Variants in VEGFC observed in about 807,000 individuals in gnomAD.
The protein encoded by VEGFC is vascular endothelial growth factor C, also known as FLT4 ligand DHM.
VEGFC carries 12 observed loss-of-function variants against 46.1 expected under a neutral mutation model. That is an observed-to-expected ratio of 0.26 (90% CI 0.17 to 0.42). The LOEUF (loss-of-function observed/expected upper bound fraction) is 0.42. Ranked by LOEUF, VEGFC falls within the 10% of genes least tolerant of loss-of-function variation. The pLI is 1.00. For missense variants in VEGFC, 488 were observed against 529.4 expected (o/e 0.92, Z 0.77); for synonymous variants, 232 against 195.5 (o/e 1.19, Z -1.56).
chr4:176,716,815 T>C (rs1431101233), intron 3 of VEGFC, among the ~76,000 whole-genome samples: 1 of 152,080 alleles, frequency 6.6e-6, no homozygotes, highest in Admixed American at 6.6e-5. Context: ...TTTAGATCTA[T>C]CCAAACATAT....
chr4:176,709,847 A>T lies in VEGFC; in HGVS notation c.704+1652T>A, dbSNP rs141166288. ...CAACAGGAGAAAGACTTGATGCTTG[A>T]AAACTAGTATTAATATCACTGCATT... is the stretch of plus-strand genomic sequence containing the variant. On this transcript the variant is annotated intron_variant, in intron 4 of 6. Transcript: ENST00000618562. Among the ~76,000 whole-genome samples, 49 of 152,334 alleles carry T rather than the reference A, an allele frequency of 3.2e-4. 1 individual carries two copies. In the East Asian group the frequency reaches 7.1e-3, roughly 22 times the overall value.
chr4:176,792,338 G>A lies in VEGFC; in HGVS notation c.-27C>T. ...GTGGAAGGACCGGGGGTGGGGGACC[G>A]GTCCGCTGGCGGGGGCAGGGGTGGG... On this transcript the variant is annotated 5_prime_UTR_variant, in exon 1 of 7. Coordinates refer to ENST00000618562, the MANE Select transcript of VEGFC (RefSeq NM_005429.5). The surrounding 1 kb of genome is among the most constrained non-coding windows in gnomAD (Gnocchi z 6.3). 1 of 1,457,576 alleles carries A rather than the reference G, an allele frequency of 6.9e-7. No homozygotes were observed. The highest frequency in any genetic ancestry group is 9.0e-7 in the Non-Finnish European group (1 of 1,108,160). 90.3% of individuals were successfully genotyped at this position (1,457,576 alleles called of 1,614,324 possible). A position where few individuals can be genotyped will look rare whatever the true frequency, so the allele number is the denominator to read the frequency against.
At chr4:176,684,614 T>C (rs1214523099) in intron 6 of VEGFC, among the ~76,000 whole-genome samples, 1 of 152,162 alleles carries the variant, frequency 6.6e-6, no homozygotes, top group Non-Finnish European at 1.5e-5. Flanking sequence ...AGAAGGACAA[T>C]ACTCAGCAGC....
intron 4 of VEGFC, among the ~76,000 whole-genome samples, chr4:176,690,439 T>C (rs1734135916): frequency 6.6e-6 from 1 of 152,124 alleles, no homozygotes; most frequent in Admixed American, 6.6e-5. Flanking sequence ...TTACACATTA[T>C]TGTAAACCTT....
At chr4:176,710,115 CT>C in intron 4 of VEGFC, among the ~76,000 whole-genome samples, 1 of 152,012 alleles carries the variant, frequency 6.6e-6, no homozygotes, top group Non-Finnish European at 1.5e-5. Flanking sequence ...GTACTTACAG[CT>C]AATATAATTA....
rs11131754 is a variant in VEGFC, at chr4:176,768,125, A to T, written c.147+24040T>A. Reference sequence around the variant, plus strand: ...AGAGCAAATTTGATCAGAAACGGAGAGATAAAAATTTCAACTGGGAATGTT... The same window carrying T: ...AGAGCAAATTTGATCAGAAACGGAGTGATAAAAATTTCAACTGGGAATGTT... On this transcript the variant is annotated intron_variant, in intron 1 of 6. Transcript: ENST00000618562. Among the ~76,000 whole-genome samples the T allele has an allele frequency of 3.3e-5, 5 of 152,052 alleles. No individual in the cohort carries two copies. The South Asian group carries it at 6.2e-4, about 19-fold the overall frequency.
chr4:176,777,227 C>T (rs6817747), intron 1 of VEGFC, among the ~76,000 whole-genome samples: 36 of 152,148 alleles, frequency 2.4e-4, no homozygotes, highest in African/African-American at 8.7e-4. Context: ...TGAGGCAGGA[C>T]AATGGCTTGA....
intron 1 of VEGFC, among the ~76,000 whole-genome samples, chr4:176,759,821 G>A (rs1207838641): frequency 6.6e-6 from 1 of 152,016 alleles, no homozygotes; most frequent in Non-Finnish European, 1.5e-5. Flanking sequence ...GAGAGATGCA[G>A]CAATTGGTTT....
At chr4:176,743,546 T>C (rs1456597719) in intron 1 of VEGFC, among the ~76,000 whole-genome samples, 1 of 150,602 alleles carries the variant, frequency 6.6e-6, no homozygotes, top group Non-Finnish European at 1.5e-5. Context: ...CAGCATATAA[T>C]AATATAATCT....
At chr4:176,700,560 A>G (rs986661068) in intron 4 of VEGFC, among the ~76,000 whole-genome samples, 7 of 152,194 alleles carry the variant, frequency 4.6e-5, no homozygotes, top group African/African-American at 7.2e-5. Flanking sequence ...CCAACTGGCT[A>G]AGTACAGGAC....
chr4:176,728,875 T>A (rs904979079), intron 2 of VEGFC, among the ~76,000 whole-genome samples: 7 of 152,002 alleles, frequency 4.6e-5, no homozygotes, highest in African/African-American at 1.5e-4. Context: ...ACTTTTTAAT[T>A]TTTTTTAATA....
At chr4:176,781,431 A>C (rs1358181887) in intron 1 of VEGFC, among the ~76,000 whole-genome samples, 1 of 152,230 alleles carries the variant, frequency 6.6e-6, no homozygotes, top group African/African-American at 2.4e-5. Flanking sequence ...ACAAACAAAA[A>C]GAAAGAATTA....
chr4:176,775,258 A>G (rs897308013), intron 1 of VEGFC, among the ~76,000 whole-genome samples: 3 of 152,228 alleles, frequency 2.0e-5, no homozygotes, highest in Admixed American at 6.5e-5. Context: ...AACTGAGAAA[A>G]AAAAAGTAAT....
intron 4 of VEGFC, among the ~76,000 whole-genome samples, chr4:176,699,558 T>C (rs772253096): frequency 2.6e-5 from 4 of 152,216 alleles, no homozygotes; most frequent in African/African-American, 4.8e-5. Flanking sequence ...TATTCTTTCA[T>C]TGTCAGAGCT....
chr4:176,699,175 A>G (rs1412519310), intron 4 of VEGFC, among the ~76,000 whole-genome samples: 1 of 152,204 alleles, frequency 6.6e-6, no homozygotes, highest in Admixed American at 6.5e-5. Flanking sequence ...TGTGGCACCT[A>G]TGGTTCCATA....
At chr4:176,790,170 C>T (rs1736066877) in intron 1 of VEGFC, among the ~76,000 whole-genome samples, 1 of 152,096 alleles carries the variant, frequency 6.6e-6, no homozygotes, top group Non-Finnish European at 1.5e-5. Context: ...ATGACACATG[C>T]CCTGTCAAGG....
intron 6 of VEGFC, among the ~76,000 whole-genome samples, chr4:176,685,796 T>C (rs1208997782): frequency 6.6e-6 from 1 of 152,144 alleles, no homozygotes; most frequent in Non-Finnish European, 1.5e-5. Context: ...AAATTATACC[T>C]ATGATGTACT....
In VEGFC at chr4:176,740,055, TAGA is replaced by T. The variant is rs1560951473; in HGVS notation, c.148-10312_148-10310del. 3.4e-4 allele frequency among the ~76,000 whole-genome samples: 39 copies of T among 115,170 alleles called. 2 individuals carry two copies. The highest frequency in any genetic ancestry group is 1.2e-3 in the African/African-American group (39 of 31,660). 75.6% of individuals were successfully genotyped at this position (115,170 alleles called of 152,430 possible). ...CGAATATATATAACTATTCGATATA[TAGA>T]ATATATATAACTATATATTATATAT... is the stretch of plus-strand genomic sequence containing the variant. On this transcript the variant is annotated intron_variant, in intron 1 of 6. Transcript: ENST00000618562.
In VEGFC at chr4:176,792,429, AC is replaced by A. The variant is rs531202860; in HGVS notation, c.-119del. ...CCTCTCCCCCGGGCTCCTCCCGGCG[AC>A]CCCCCCTGGGCGAGCCGGAGGCGGC... is the stretch of plus-strand genomic sequence containing the variant. On this transcript the variant is annotated 5_prime_UTR_variant, in exon 1 of 7. Coordinates refer to ENST00000618562, the MANE Select transcript of VEGFC (RefSeq NM_005429.5). This position sits in a 1 kb window ranked among gnomAD's most constrained non-coding sequence, Gnocchi z 6.3. 5.9e-5 allele frequency: 45 copies of A among 763,058 alleles called. 1 individual carries two copies. Among genetic ancestry groups the A allele is most frequent in the Middle Eastern group, 4.2e-4 (1 of 2,362 alleles). The allele number at this position is 763,058 out of a possible 1,614,324, so 47.3% of individuals were successfully genotyped here.
Sources: gnomAD v4.1 joint callset for allele counts (sites outside exome capture counted in the v4.1 genomes callset) on GRCh38, gnomAD v4.1.1 for gene constraint, Gnocchi (gnomAD v3.1) non-coding constraint, MANE v1.5 for transcripts, NCBI Gene and HGNC (gene_info 2026-07-23, HGNC 2026-07-21) for gene names.